The following ZDHHC19 variants were observed in gnomAD, a reference collection of about 807,000 sequenced individuals.
ZDHHC19 encodes zDHHC palmitoyltransferase 19.
Under a neutral mutation model 33.9 loss-of-function variants are expected in ZDHHC19, and 30 were observed. The ratio of observed to expected loss-of-function variants is 0.88; its 90% CI spans 0.66 to 1.20. The LOEUF is 1.20. Ranked by LOEUF, ZDHHC19 falls within the 50% of genes most tolerant of loss-of-function variation. The pLI is 0.00. For synonymous variants in ZDHHC19, 178 were observed against 167.6 expected (o/e 1.06, Z -0.48); for missense variants, 364 against 401.1 (o/e 0.91, Z 0.79).
intron 5 of ZDHHC19, 186 bp from the exon 6 acceptor site, chr3:196,199,060 G>A (rs1359302363): frequency 6.9e-6 from 4 of 578,026 alleles, no homozygotes; most frequent in African/African-American, 5.6e-5. Flanking sequence ...GTCTCCACTG[G>A]CCACACACAT....
At chr3:196,209,916 G>GTA (rs1723075419) in intron 2 of ZDHHC19, among the ~76,000 whole-genome samples, 1 of 152,222 alleles carries the variant, frequency 6.6e-6, no homozygotes, top group African/African-American at 2.4e-5. Flanking sequence ...GTAGGGCCGG[G>GTA]CGCGGGGGCT....
At chr3:196,199,056 A>G in intron 5 of ZDHHC19, 182 bp from the exon 6 acceptor site, 1 of 581,926 alleles carries the variant, frequency 1.7e-6, no homozygotes, top group Non-Finnish European at 3.1e-6. Context: ...CTTGGTCTCC[A>G]CTGGCCACAC....
At chr3:196,199,038 C>T in intron 5 of ZDHHC19, 164 bp from the exon 6 acceptor site, 1 of 607,464 alleles carries the variant, frequency 1.6e-6, no homozygotes, top group Non-Finnish European at 2.9e-6. Context: ...CTGCCCCATC[C>T]TCCTCCTCTT....
At chr3:196,209,311 A>T in intron 3 of ZDHHC19, 65 bp downstream of exon 3, 1 of 1,528,322 alleles carries the variant, frequency 6.5e-7, no homozygotes, top group Non-Finnish European at 8.8e-7. Context: ...CCCCTGTATG[A>T]GGGAGGCTCC....
intron 5 of ZDHHC19, among the ~76,000 whole-genome samples, chr3:196,201,814 GTGTC>G (rs945932695): frequency 3.9e-5 from 6 of 152,164 alleles, no homozygotes; most frequent in African/African-American, 1.4e-4. Flanking sequence ...CTCCGATTCT[GTGTC>G]TGAAACTGCC....
intron 3 of ZDHHC19, 102 bp downstream of exon 3, chr3:196,209,274 T>A: frequency 3.4e-6 from 5 of 1,457,930 alleles, no homozygotes; most frequent in Non-Finnish European, 4.6e-6. Context: ...TTAGCAGTCC[T>A]GAAAACAGCT....
At chr3:196,198,219 C>A in intron 7 of ZDHHC19, 57 bp downstream of exon 7, 1 of 1,406,650 alleles carries the variant, frequency 7.1e-7, no homozygotes, top group Non-Finnish European at 9.3e-7. Context: ...CCCTCACAAC[C>A]TGCAGACACC....
intron 1 of ZDHHC19, 71 bp from the exon 2 acceptor site, chr3:196,210,808 C>T: frequency 6.4e-7 from 1 of 1,564,406 alleles, no homozygotes; most frequent in Admixed American, 1.9e-5. Flanking sequence ...CTGTGGCTTG[C>T]TCAGGTCAGG....
rs1721977100 is a variant in ZDHHC19, at chr3:196,198,445, C to T, written c.780G>A (p.Met260Ile). The part of the protein sequence containing the change: ...TICAPLGPKY[M>I]AEAVQLQRVV... ...CTCTCTGCAGCTGGACAGCTTCAGC[C>T]ATGTACCTGGGGAGCAGCAGGCCAG... The change falls in exon 7 of 8, where the codon ATG (methionine) becomes ATA (isoleucine). Residue 260 changes from methionine to isoleucine, a missense_variant. By Grantham distance (10) the Met-to-Ile change is conservative. Coordinates refer to ENST00000296326, the MANE Select transcript of ZDHHC19 (RefSeq NM_001039617.2). 1 of 1,576,120 alleles carries T rather than the reference C, an allele frequency of 6.3e-7. No individual in the cohort carries two copies. The highest frequency in any genetic ancestry group is 8.6e-7 in the Non-Finnish European group (1 of 1,161,374).
intron 5 of ZDHHC19, chr3:196,199,417 A>G (rs60526982): frequency 0.13 from 19,955 of 158,040 alleles, 1,976 homozygotes; most frequent in African/African-American, 0.27. Context: ...CCCACCACCA[A>G]CTCCCCTGTG....
intron 5 of ZDHHC19, among the ~76,000 whole-genome samples, chr3:196,206,689 T>C (rs1451761037): frequency 7.0e-6 from 1 of 143,818 alleles, no homozygotes; most frequent in Non-Finnish European, 1.5e-5. Context: ...CTTTTTTTTT[T>C]TTTTTTTTTG....
In ZDHHC19 at chr3:196,203,046, G is replaced by A. The variant is rs1007813734; in HGVS notation, c.688-4172C>T. Among the ~76,000 whole-genome samples the A allele has an allele frequency of 3.3e-5, 5 of 152,094 alleles. No homozygotes were observed. Among genetic ancestry groups the A allele is most frequent in the African/African-American group, 1.2e-4 (5 of 41,406 alleles). ...AGGCCGAGGCGAGTGGCTCACCTGA[G>A]GTCAGGAGTTCGAGACCAGCCTGGC... On this transcript the variant is annotated intron_variant, in intron 5 of 7. Coordinates refer to ENST00000296326, the MANE Select transcript of ZDHHC19 (RefSeq NM_001039617.2). The surrounding 1 kb of genome is among the most constrained non-coding windows in gnomAD (Gnocchi z 4.3).
In ZDHHC19 at chr3:196,201,218, A is replaced by ACCATCGCG. The variant is rs1560132224; in HGVS notation, c.688-2345_688-2344insCGCGATGG. Among the ~76,000 whole-genome samples the ACCATCGCG allele has an allele frequency of 8.5e-4, 129 of 151,154 alleles. 2 individuals are homozygous for ACCATCGCG. Among genetic ancestry groups the ACCATCGCG allele is most frequent in the African/African-American group, 3.0e-3 (124 of 40,860 alleles). ...CTCCCAAGTAGCTGGGATTACAGGC[A>ACCATCGCG]CCCACCATCACGCCCAGCTAATTTT... On this transcript the variant is annotated intron_variant, in intron 5 of 7. Coordinates refer to ENST00000296326, the MANE Select transcript of ZDHHC19 (RefSeq NM_001039617.2).
At chr3:196,201,754 C>T (rs949675901) in intron 5 of ZDHHC19, among the ~76,000 whole-genome samples, 1 of 152,012 alleles carries the variant, frequency 6.6e-6, no homozygotes, top group African/African-American at 2.4e-5. Context: ...ACCAACAGCT[C>T]TGAAGCACTC....
Position 196,198,328 on chromosome 3 carries a change from T to C in ZDHHC19, c.897A>G (p.Leu299=), listed in dbSNP as rs771084463. 2.3e-5 allele frequency: 35 copies of C among 1,512,462 alleles called. No individual in the cohort carries two copies. The highest frequency in any genetic ancestry group is 2.8e-5 in the African/African-American group (2 of 71,556). 93.7% of individuals were successfully genotyped at this position (1,512,462 alleles called of 1,614,324 possible). A position where few individuals can be genotyped will look rare whatever the true frequency, so the allele number is the denominator to read the frequency against. The part of the protein sequence containing the change: ...LNPPAPTSGS[L]QSREGTPGAW ...CCCCGGGGGTCCCTTCCCTGCTTTG[T>C]AGGGACCCAGAGGTTGGGGCTGGGG... Residue 299 remains leucine, a synonymous_variant, in exon 7 of 8, where the codon CTA becomes CTG. Coordinates refer to ENST00000296326, the MANE Select transcript of ZDHHC19 (RefSeq NM_001039617.2).
chr3:196,204,002 C>T (rs909533804), intron 5 of ZDHHC19, among the ~76,000 whole-genome samples: 9 of 152,032 alleles, frequency 5.9e-5, no homozygotes, highest in African/African-American at 1.9e-4. Flanking sequence ...TCTCATGGCG[C>T]GGATGTCCAC....
At chr3:196,207,130 C>T (rs780391171) in intron 5 of ZDHHC19, among the ~76,000 whole-genome samples, 9 of 152,146 alleles carry the variant, frequency 5.9e-5, no homozygotes, top group Non-Finnish European at 1.2e-4. Flanking sequence ...CTCATCAACA[C>T]GAGTGTGGAA....
rs953089878 is a variant in ZDHHC19, at chr3:196,200,360, T to A, written c.688-1486A>T. Reference sequence around the variant, plus strand: ...TATATATATGTATATATATATATAATTTTTTTTTTTTTGAGATGGAGTCTT... The same window carrying A: ...TATATATATGTATATATATATATAAATTTTTTTTTTTTGAGATGGAGTCTT... On this transcript the variant is annotated intron_variant, in intron 5 of 7. Transcript: ENST00000296326. 3.4e-3 allele frequency among the ~76,000 whole-genome samples: 76 copies of A among 22,462 alleles called. 4 individuals carry two copies. Among genetic ancestry groups the A allele is most frequent in the Admixed American group, 5.7e-3 (8 of 1,412 alleles). The allele number at this position is 22,462 out of a possible 152,430, so 14.7% of individuals were successfully genotyped here.
At chr3:196,206,203 C>A (rs1488056192) in intron 5 of ZDHHC19, among the ~76,000 whole-genome samples, 2 of 151,706 alleles carry the variant, frequency 1.3e-5, no homozygotes, top group Admixed American at 1.3e-4. Flanking sequence ...AGGTGTGCCC[C>A]ACCACACCTG....
Sources: allele counts gnomAD v4.1 joint callset (sites outside exome capture counted in the v4.1 genomes callset), GRCh38; gene constraint gnomAD v4.1.1; non-coding constraint Gnocchi (gnomAD v3.1); transcripts MANE v1.5; gene names NCBI Gene and HGNC (gene_info 2026-07-23, HGNC 2026-07-21).